MLLT10: variants seen among roughly 807,000 people sequenced by gnomAD.
The protein encoded by MLLT10 is MLLT10 histone lysine methyltransferase DOT1L cofactor.
MLLT10 carries 30 observed loss-of-function variants against 129.1 expected under a neutral mutation model. That is an observed-to-expected ratio of 0.23 (90% CI 0.17 to 0.32). MLLT10 has a LOEUF of 0.32. Among genes scored for constraint, MLLT10 ranks in the 10% least tolerant of loss-of-function variants. The pLI is 1.00. For missense variants in MLLT10, 1,119 were observed against 1,268.3 expected (o/e 0.88, Z 1.79); for synonymous variants, 490 against 446.4 (o/e 1.10, Z -1.23).
At chr10:21,575,692 T>A (rs1216264689) in intron 3 of MLLT10, among the ~76,000 whole-genome samples, 1 of 152,160 alleles carries the variant, frequency 6.6e-6, no homozygotes, top group Admixed American at 6.6e-5. Context: ...ATTATTTTTA[T>A]TTGGTTTGGT....
At chr10:21,709,812 G>A (rs1367050592) in intron 13 of MLLT10, among the ~76,000 whole-genome samples, 1 of 151,658 alleles carries the variant, frequency 6.6e-6, no homozygotes, top group Non-Finnish European at 1.5e-5. Context: ...GCACAATCTC[G>A]GCTCAATCTC....
At chr10:21,564,221 C>G (rs2039248544) in intron 3 of MLLT10, among the ~76,000 whole-genome samples, 1 of 152,100 alleles carries the variant, frequency 6.6e-6, no homozygotes, top group Non-Finnish European at 1.5e-5. Flanking sequence ...GTAGCTGGGA[C>G]TATGGGTGTA....
chr10:21,542,049 T>C (rs1564371502), intron 3 of MLLT10, among the ~76,000 whole-genome samples: 1 of 152,106 alleles, frequency 6.6e-6, no homozygotes, highest in Non-Finnish European at 1.5e-5. Context: ...GGTTTATTAG[T>C]AAACACTGAC....
At chr10:21,718,569 A>G (rs1298203134) in intron 14 of MLLT10, among the ~76,000 whole-genome samples, 1 of 152,218 alleles carries the variant, frequency 6.6e-6, no homozygotes, top group East Asian at 1.9e-4. Flanking sequence ...TGCGTTTGAA[A>G]TACAATCTTC....
chr10:21,597,113 A>C (rs1035568486), intron 5 of MLLT10, among the ~76,000 whole-genome samples: 2 of 152,128 alleles, frequency 1.3e-5, no homozygotes, highest in African/African-American at 4.8e-5. Flanking sequence ...TTGCAGGAAT[A>C]GTACAAAAGA....
At chr10:21,741,906 A>C (rs558427111) in intron 22 of MLLT10, 33 bp from the exon 23 acceptor site, 1 of 1,599,590 alleles carries the variant, frequency 6.3e-7, no homozygotes, top group Non-Finnish European at 8.5e-7. Context: ...AAGTTGATTT[A>C]GCTAACGCAT....
intron 19 of MLLT10, 70 bp from the exon 20 acceptor site, chr10:21,733,698 T>TA (rs2058132027): frequency 6.6e-7 from 1 of 1,526,062 alleles, no homozygotes; most frequent in Non-Finnish European, 8.8e-7. Context: ...TCTTTAAACT[T>TA]AGTTTCTCTT....
intron 8 of MLLT10, among the ~76,000 whole-genome samples, chr10:21,631,800 C>A (rs2047038433): frequency 6.6e-6 from 1 of 152,160 alleles, no homozygotes; most frequent in South Asian, 2.1e-4. Context: ...GTTCCCCCCC[C>A]AACACTTGCA....
At chr10:21,569,425 A>ATT (rs768378294) in intron 3 of MLLT10, among the ~76,000 whole-genome samples, 12 of 138,566 alleles carry the variant, frequency 8.7e-5, no homozygotes, top group African/African-American at 1.3e-4. Context: ...TACCCAGCCA[A>ATT]TTTTTTTTTT....
chr10:21,586,480 A>C (rs1458173928), intron 4 of MLLT10, 132 bp downstream of exon 4: 2 of 767,490 alleles, frequency 2.6e-6, no homozygotes, highest in African/African-American at 3.6e-5. Flanking sequence ...AGTGGTGGCT[A>C]TAATTTATAA....
At chr10:21,595,102 T>G (rs1327156070) in intron 4 of MLLT10, among the ~76,000 whole-genome samples, 1 of 152,210 alleles carries the variant, frequency 6.6e-6, no homozygotes, top group Admixed American at 6.5e-5. Context: ...AATGTTTCCC[T>G]TTATTTATGT....
At chr10:21,723,892 T>C (rs531815692) in intron 14 of MLLT10, among the ~76,000 whole-genome samples, 7 of 152,364 alleles carry the variant, frequency 4.6e-5, no homozygotes, top group Non-Finnish European at 7.3e-5. Context: ...ACTGGTAATA[T>C]CTGTTTTTTC....
At chr10:21,558,783 A>G (rs2038414567) in intron 3 of MLLT10, among the ~76,000 whole-genome samples, 1 of 152,174 alleles carries the variant, frequency 6.6e-6, no homozygotes, top group Admixed American at 6.5e-5. Context: ...TATGTCATAA[A>G]TCAGCTGTTA....
intron 8 of MLLT10, among the ~76,000 whole-genome samples, chr10:21,623,158 T>G (rs1167232465): frequency 6.6e-6 from 1 of 152,190 alleles, no homozygotes; most frequent in Non-Finnish European, 1.5e-5. Context: ...GTTAAGATTT[T>G]TTCTGGAGGT....
At chr10:21,730,825 G>T in intron 16 of MLLT10, 75 bp from the exon 17 acceptor site, 1 of 1,534,558 alleles carries the variant, frequency 6.5e-7, no homozygotes, top group East Asian at 2.3e-5. Flanking sequence ...GAGAAAAGGG[G>T]TCAGCTTAAG....
chr10:21,605,297 T>C (rs2043952329), intron 5 of MLLT10, among the ~76,000 whole-genome samples: 1 of 152,090 alleles, frequency 6.6e-6, no homozygotes, highest in African/African-American at 2.4e-5. Flanking sequence ...CTGCCCAGCA[T>C]CACAAGAGAA....
intron 8 of MLLT10, among the ~76,000 whole-genome samples, chr10:21,640,285 AAT>A (rs1049219901): frequency 1.4e-5 from 2 of 144,100 alleles, no homozygotes; most frequent in African/African-American, 2.5e-5. Context: ...TATTATATAT[AAT>A]ATATATTATA....
intron 2 of MLLT10, among the ~76,000 whole-genome samples, chr10:21,535,066 C>CGGCGG (rs922835427): frequency 2.8e-4 from 35 of 127,102 alleles, no homozygotes; most frequent in Middle Eastern, 4.5e-3. Flanking sequence ...TCTGCTGACT[C>CGGCGG]GGCGGGGCGG....
chr10:21,688,668 G>A, intron 13 of MLLT10: 1 of 643,936 alleles, frequency 1.6e-6, no homozygotes, highest in Non-Finnish European at 2.5e-6. Context: ...TGCCTGAAAG[G>A]AATTATCTAT....
Sources: gnomAD v4.1 joint callset for allele counts (sites outside exome capture counted in the v4.1 genomes callset) on GRCh38, gnomAD v4.1.1 for gene constraint, MANE v1.5 for transcripts, NCBI Gene and HGNC (gene_info 2026-07-23, HGNC 2026-07-21) for gene names.